HCN1: variants seen among roughly 807,000 people sequenced by gnomAD.
The protein encoded by HCN1 is potassium/sodium hyperpolarization-activated cyclic nucleotide-gated channel 1.
Under a neutral mutation model 78.9 loss-of-function variants are expected in HCN1, and 13 were observed. The ratio of observed to expected loss-of-function variants is 0.16; its 90% CI spans 0.11 to 0.26. HCN1 has a LOEUF of 0.26. HCN1 is among the 10% of genes least tolerant of loss of function. The probability of loss-of-function intolerance (pLI) is 1.00; values close to 1 mark genes in which losing one functional copy is unlikely to be tolerated. For synonymous variants in HCN1, 552 were observed against 455.5 expected (o/e 1.21, Z -2.70); for missense variants, 810 against 1,154.3 (o/e 0.70, Z 4.32).
At chr5:45,606,753 C>A (rs571029934) in intron 2 of HCN1, among the ~76,000 whole-genome samples, 4 of 151,978 alleles carry the variant, frequency 2.6e-5, no homozygotes, top group African/African-American at 9.6e-5. Context: ...GTTTTAAGAG[C>A]TCTCATAATA....
chr5:45,349,060 T>G lies in HCN1; in HGVS notation c.1377+4040A>C, dbSNP rs968599430. ...TACAGAACTCTCCACCCCAAATCAA[T>G]AGAATATACATTTTTTTCAGCACCA... On this transcript the variant is annotated intron_variant, in intron 5 of 7. Coordinates refer to ENST00000303230, the MANE Select transcript of HCN1 (RefSeq NM_021072.4). 3.3e-5 allele frequency among the ~76,000 whole-genome samples: 5 copies of G among 152,002 alleles called. No homozygotes were observed. In the East Asian group the frequency reaches 5.8e-4, roughly 18 times the overall value.
At chr5:45,424,308 C>CA (rs1270502431) in intron 3 of HCN1, among the ~76,000 whole-genome samples, 1 of 150,980 alleles carries the variant, frequency 6.6e-6, no homozygotes, top group South Asian at 2.1e-4. Flanking sequence ...AACAAACAAA[C>CA]AAAAAACAAA....
intron 5 of HCN1, among the ~76,000 whole-genome samples, chr5:45,305,859 G>A (rs528886584): frequency 1.3e-4 from 19 of 149,436 alleles, no homozygotes; most frequent in African/African-American, 4.7e-4. Flanking sequence ...GGAAGGAAGG[G>A]AAGGAGGGAG....
At chr5:45,410,999 AAG>A in intron 3 of HCN1, among the ~76,000 whole-genome samples, 1 of 152,148 alleles carries the variant, frequency 6.6e-6, no homozygotes, top group Non-Finnish European at 1.5e-5. Flanking sequence ...AATAGTATTT[AAG>A]AGAGGCAAAA....
chr5:45,346,720 C>T (rs2111972673), intron 5 of HCN1, among the ~76,000 whole-genome samples: 1 of 152,328 alleles, frequency 6.6e-6, no homozygotes, highest in East Asian at 1.9e-4. Flanking sequence ...ATATCCTGCA[C>T]CTGGCTTGGA....
intron 1 of HCN1, among the ~76,000 whole-genome samples, chr5:45,658,973 G>C (rs1208580349): frequency 6.7e-6 from 1 of 148,508 alleles, no homozygotes; most frequent in Non-Finnish European, 1.5e-5. Flanking sequence ...AGGCCTGCCT[G>C]CCTCTGTAGG....
intron 2 of HCN1, among the ~76,000 whole-genome samples, chr5:45,634,706 G>A (rs1184862061): frequency 1.3e-5 from 2 of 151,940 alleles, no homozygotes; most frequent in African/African-American, 4.8e-5. Context: ...AAAGAGGAGT[G>A]ATCTTTACTA....
chr5:45,680,531 T>C (rs1739683497), intron 1 of HCN1, among the ~76,000 whole-genome samples: 1 of 151,990 alleles, frequency 6.6e-6, no homozygotes, highest in African/African-American at 2.4e-5. Context: ...ATAAAAAGAG[T>C]TAAGATTCTG....
chr5:45,633,573 T>C (rs1425536192), intron 2 of HCN1, among the ~76,000 whole-genome samples: 1 of 152,048 alleles, frequency 6.6e-6, no homozygotes, highest in Non-Finnish European at 1.5e-5. Context: ...ATCATTTATT[T>C]CCTTTTCTAA....
Position 45,279,079 on chromosome 5 carries a change from G to T in HCN1, c.1619-11826C>A, listed in dbSNP as rs569865256. The stretch of plus-strand genomic sequence containing the variant: ...TGTCCTTTATTGAATCTTAACTTAG[G>T]CAAATAAAATCTGGAAAGAACAGAA... On this transcript the variant is annotated intron_variant, in intron 6 of 7. Coordinates refer to ENST00000303230, the MANE Select transcript of HCN1 (RefSeq NM_021072.4). 3.3e-5 allele frequency among the ~76,000 whole-genome samples: 5 copies of T among 152,006 alleles called. No individual in the cohort carries two copies. In the East Asian group the frequency reaches 9.7e-4, roughly 29 times the overall value.
At chr5:45,334,017 T>C (rs938352603) in intron 5 of HCN1, among the ~76,000 whole-genome samples, 3 of 151,814 alleles carry the variant, frequency 2.0e-5, no homozygotes, top group African/African-American at 4.8e-5. Context: ...CGGTTTCCAA[T>C]TATCTTCATA....
chr5:45,463,685 TA>T (rs905538320), intron 2 of HCN1, among the ~76,000 whole-genome samples: 1 of 151,990 alleles, frequency 6.6e-6, no homozygotes, highest in Non-Finnish European at 1.5e-5. Flanking sequence ...AATTTCTCAT[TA>T]AAAGTTATAT....
chr5:45,527,592 TTCTC>T (rs369936097), intron 2 of HCN1, among the ~76,000 whole-genome samples: 132 of 151,074 alleles, frequency 8.7e-4, no homozygotes, highest in African/African-American at 2.5e-3. Context: ...ATCATTCTCA[TTCTC>T]TCTCTCTTTT....
intron 2 of HCN1, among the ~76,000 whole-genome samples, chr5:45,492,895 T>C (rs1366238266): frequency 6.6e-6 from 1 of 152,120 alleles, no homozygotes; most frequent in Non-Finnish European, 1.5e-5. Context: ...GAGAAGAAAC[T>C]AGAGTATGGA....
chr5:45,431,244 T>C (rs1482187264), intron 3 of HCN1, among the ~76,000 whole-genome samples: 1 of 152,342 alleles, frequency 6.6e-6, no homozygotes. Context: ...GTATGTCTTC[T>C]TTTGAAAAGT....
At chr5:45,529,088 T>C (rs1263430342) in intron 2 of HCN1, among the ~76,000 whole-genome samples, 1 of 152,036 alleles carries the variant, frequency 6.6e-6, no homozygotes, top group African/African-American at 2.4e-5. Flanking sequence ...GCATTAATGC[T>C]TTTTAAAGTT....
intron 3 of HCN1, among the ~76,000 whole-genome samples, chr5:45,448,841 T>C (rs994234609): frequency 6.6e-6 from 1 of 152,156 alleles, no homozygotes; most frequent in Non-Finnish European, 1.5e-5. Flanking sequence ...TGGTCAGGCA[T>C]GGTGGCTCAC....
chr5:45,332,163 C>A (rs560015103), intron 5 of HCN1, among the ~76,000 whole-genome samples: 2 of 151,414 alleles, frequency 1.3e-5, no homozygotes, highest in African/African-American at 2.4e-5. Flanking sequence ...CTAGCACAGG[C>A]ATCTTTCTAA....
intron 2 of HCN1, among the ~76,000 whole-genome samples, chr5:45,520,321 C>T (rs1474412566): frequency 6.6e-6 from 1 of 151,906 alleles, no homozygotes; most frequent in Non-Finnish European, 1.5e-5. Context: ...ATGCTTATCT[C>T]TTCATAGGGA....
Sources: gnomAD v4.1 joint callset for allele counts (sites outside exome capture counted in the v4.1 genomes callset) on GRCh38, gnomAD v4.1.1 for gene constraint, MANE v1.5 for transcripts, NCBI Gene and HGNC (gene_info 2026-07-23, HGNC 2026-07-21) for gene names.